TTC29: variants seen among roughly 807,000 people sequenced by gnomAD.
TTC29 encodes the protein tetratricopeptide repeat protein 29.
A neutral mutation model predicts 58.1 loss-of-function variants in TTC29; 49 were observed. The ratio of observed to expected loss-of-function variants is 0.84; its 90% confidence interval spans 0.67 to 1.07. The LOEUF is 1.07. Ranked by LOEUF, TTC29 falls within the 50% of genes least tolerant of loss-of-function variation. The pLI, the probability that TTC29 is intolerant of heterozygous loss-of-function variation, is 0.00. For missense variants in TTC29, 582 were observed against 555.6 expected, an observed-to-expected ratio of 1.05 and a Z score of -0.48; for synonymous variants, 209 against 196.8, an observed-to-expected ratio of 1.06 and a Z score of -0.52.
At chr4:146,912,025 G>C (rs548274186) in intron 4 of TTC29, among the ~76,000 whole-genome samples, 1 of 152,266 alleles carries the variant, frequency 6.6e-6, no homozygotes, top group African/African-American at 2.4e-5. Context: ...CCAGTCTTTT[G>C]GCTTCTCTGG....
At chr4:146,811,873 C>G (rs1371526834) in intron 10 of TTC29, among the ~76,000 whole-genome samples, 1 of 152,186 alleles carries the variant, frequency 6.6e-6, no homozygotes, top group African/African-American at 2.4e-5. Context: ...CCCACACAGA[C>G]AGTTTAGGAG....
chr4:146,803,366 C>A, intron 11 of TTC29, 91 bp downstream of exon 11: 1 of 923,786 alleles, frequency 1.1e-6, no homozygotes, highest in Non-Finnish European at 1.6e-6. Flanking sequence ...AAATTAAAAT[C>A]ACCGACATTT....
intron 6 of TTC29, among the ~76,000 whole-genome samples, chr4:146,887,918 G>A (rs973858804): frequency 6.6e-6 from 1 of 151,892 alleles, no homozygotes; most frequent in Admixed American, 6.6e-5. Flanking sequence ...TGTATGCAGT[G>A]GCCCAGCATC....
intron 11 of TTC29, among the ~76,000 whole-genome samples, chr4:146,724,283 A>G (rs746927717): frequency 6.6e-6 from 1 of 152,196 alleles, no homozygotes; most frequent in Non-Finnish European, 1.5e-5. Flanking sequence ...TATGCTCGCA[A>G]TTTGGGTGAT....
At chr4:146,857,614 C>A (rs1729956746) in intron 8 of TTC29, among the ~76,000 whole-genome samples, 1 of 152,070 alleles carries the variant, frequency 6.6e-6, no homozygotes, top group African/African-American at 2.4e-5. Context: ...ATTATGATAA[C>A]CAGCCATCCT....
chr4:146,884,930 G>A (rs1232423892), intron 6 of TTC29, among the ~76,000 whole-genome samples: 3 of 151,926 alleles, frequency 2.0e-5, no homozygotes, highest in African/African-American at 7.3e-5. Context: ...TAATATGATA[G>A]TAATTAAAAT....
At chr4:146,909,001 C>T in intron 5 of TTC29, 25 bp downstream of exon 5, 1 of 1,601,008 alleles carries the variant, frequency 6.2e-7, no homozygotes, top group Non-Finnish European at 8.6e-7. Context: ...TCCTTCTGTG[C>T]TCTGCCCACA....
intron 6 of TTC29, among the ~76,000 whole-genome samples, chr4:146,892,589 C>G (rs1732452492): frequency 6.6e-6 from 1 of 152,242 alleles, no homozygotes; most frequent in African/African-American, 2.4e-5. Flanking sequence ...ACTGAATGGG[C>G]AAAAACTGGA....
At chr4:146,713,996 C>A (rs1214774916) in intron 11 of TTC29, among the ~76,000 whole-genome samples, 2 of 151,998 alleles carry the variant, frequency 1.3e-5, no homozygotes, top group Admixed American at 6.6e-5. Context: ...CATTATAAAT[C>A]CCGCAATTTT....
intron 7 of TTC29, among the ~76,000 whole-genome samples, chr4:146,872,329 G>A (rs1250146115): frequency 6.6e-6 from 1 of 151,898 alleles, no homozygotes; most frequent in African/African-American, 2.4e-5. Flanking sequence ...ACCTTGCATT[G>A]GTCAAAGCCT....
At chr4:146,779,147 C>T (rs1449246542) in intron 11 of TTC29, among the ~76,000 whole-genome samples, 1 of 151,990 alleles carries the variant, frequency 6.6e-6, no homozygotes, top group East Asian at 1.9e-4. Context: ...TAATTTATAG[C>T]TATAAGAATA....
chr4:146,822,006 T>C (rs1249179746), intron 9 of TTC29, among the ~76,000 whole-genome samples: 4 of 120,562 alleles, frequency 3.3e-5, no homozygotes, highest in Non-Finnish European at 6.7e-5. Flanking sequence ...TTTTTTTTTT[T>C]CTGGGTTTTC....
chr4:146,883,642 C>A (rs1462831630), intron 6 of TTC29, among the ~76,000 whole-genome samples: 4 of 151,980 alleles, frequency 2.6e-5, no homozygotes, highest in Non-Finnish European at 5.9e-5. Context: ...ATACTGCCTC[C>A]TGAACAGTTT....
intron 11 of TTC29, among the ~76,000 whole-genome samples, chr4:146,761,434 A>G (rs1746892594): frequency 6.6e-6 from 1 of 151,946 alleles, no homozygotes. Context: ...TATGCATGAA[A>G]ACAATTCTTT....
At chr4:146,811,436 T>C (rs1751017522) in intron 10 of TTC29, among the ~76,000 whole-genome samples, 1 of 152,128 alleles carries the variant, frequency 6.6e-6, no homozygotes, top group Admixed American at 6.5e-5. Flanking sequence ...TTGTAAAGGC[T>C]CTAGGAGACA....
chr4:146,776,440 G>GT (rs79215075), intron 11 of TTC29, among the ~76,000 whole-genome samples: 9,933 of 142,446 alleles, frequency 0.07, 825 homozygotes, highest in African/African-American at 0.2. Flanking sequence ...TCCTTTGGAT[G>GT]TTTTTTTTTT....
At chr4:146,760,740 A>G (rs1173466307) in intron 11 of TTC29, among the ~76,000 whole-genome samples, 2 of 126,450 alleles carry the variant, frequency 1.6e-5, no homozygotes, top group Non-Finnish European at 1.6e-5. Context: ...CTACATATAT[A>G]TACATATATA....
Position 146,853,412 on chromosome 4 carries a change from T to C in TTC29, c.885+14086A>G, listed in dbSNP as rs180853101. On this transcript the variant is annotated intron_variant, in intron 8 of 12. Transcript: ENST00000325106. ...TTTGTTCAACATATCAGTAATACTT[T>C]CATTGTTATAAAATGTTTATTCATT... Among the ~76,000 whole-genome samples the C allele has an allele frequency of 5.5e-4, 84 of 152,320 alleles. 1 individual carries two copies. The highest frequency in any genetic ancestry group is 7.4e-5 in the Non-Finnish European group (5 of 68,016).
At chr4:146,780,303 G>T (rs1748487553) in intron 11 of TTC29, among the ~76,000 whole-genome samples, 1 of 10,112 alleles carries the variant, frequency 9.9e-5, no homozygotes, top group Non-Finnish European at 1.7e-4. Flanking sequence ...CTAACTTGGG[G>T]TGTGTGTGTG....
Sources: allele counts gnomAD v4.1 joint callset (sites outside exome capture counted in the v4.1 genomes callset), GRCh38; gene constraint gnomAD v4.1.1; transcripts MANE v1.5; gene names NCBI Gene and HGNC (gene_info 2026-07-23, HGNC 2026-07-21).